Variants in MAPK10 observed in about 807,000 individuals in gnomAD.
The protein encoded by MAPK10 is JNK3 alpha protein kinase.
MAPK10 carries 25 observed loss-of-function variants against 59.3 expected under a neutral mutation model. The observed-to-expected ratio is 0.42, with a 90% CI of 0.31 to 0.59. MAPK10 has a LOEUF of 0.59. MAPK10 is among the 20% of genes least tolerant of loss of function. The pLI is 0.15. For synonymous variants in MAPK10, 190 were observed against 200.5 expected, an observed-to-expected ratio of 0.95 and a Z score of 0.44; for missense variants, 351 against 568.9, an observed-to-expected ratio of 0.62 and a Z score of 3.90.
chr4:86,504,359 T>C (rs570213412), intron 1 of MAPK10, among the ~76,000 whole-genome samples: 1 of 152,220 alleles, frequency 6.6e-6, no homozygotes, highest in African/African-American at 2.4e-5. Context: ...ATCTGGGAAG[T>C]AGTAAAGTAA....
chr4:86,074,182 T>A lies in MAPK10; in HGVS notation c.803-6227A>T, dbSNP rs2048693885. 2.4e-5 allele frequency among the ~76,000 whole-genome samples: 3 copies of A among 122,526 alleles called. No individual in the cohort carries two copies. In the South Asian group the frequency reaches 7.3e-4, roughly 30 times the overall value. 80.4% of individuals were successfully genotyped at this position (122,526 alleles called of 152,430 possible). ...TTTGTCTCTTTTGATCTTTGTTGGC[T>A]TAAAGTCTGTTTTATCAGAGACTAG... On this transcript the variant is annotated intron_variant, in intron 9 of 13. Transcript: ENST00000641462.
At chr4:86,216,831 A>G (rs2087803142) in intron 2 of MAPK10, among the ~76,000 whole-genome samples, 1 of 152,130 alleles carries the variant, frequency 6.6e-6, no homozygotes, top group African/African-American at 2.4e-5. Context: ...TTACAAATAT[A>G]GTTTTAGAAA....
intron 11 of MAPK10, among the ~76,000 whole-genome samples, chr4:86,040,119 G>A (rs1011001673): frequency 2.6e-4 from 39 of 152,098 alleles, no homozygotes; most frequent in Non-Finnish European, 5.9e-5. Flanking sequence ...AAAAGCTGAG[G>A]TGACATAAAC....
chr4:86,406,893 A>G (rs1207573394), intron 1 of MAPK10, among the ~76,000 whole-genome samples: 1 of 152,176 alleles, frequency 6.6e-6, no homozygotes, highest in African/African-American at 2.4e-5. Flanking sequence ...AGTTAACAAC[A>G]CATTTTCATT....
chr4:86,491,248 C>A (rs1436851415), intron 1 of MAPK10, among the ~76,000 whole-genome samples: 1 of 152,128 alleles, frequency 6.6e-6, no homozygotes, highest in African/African-American at 2.4e-5. Flanking sequence ...TGACTTTGCA[C>A]ACAGACAGCT....
chr4:86,074,284 T>A (rs1285729703), intron 9 of MAPK10, among the ~76,000 whole-genome samples: 1 of 145,210 alleles, frequency 6.9e-6, no homozygotes, highest in African/African-American at 2.6e-5. Flanking sequence ...AGCCTATGTG[T>A]GTCTCTGCAC....
At chr4:86,349,790 G>A (rs944981385) in intron 2 of MAPK10, among the ~76,000 whole-genome samples, 2 of 152,178 alleles carry the variant, frequency 1.3e-5, no homozygotes, top group East Asian at 1.9e-4. Context: ...GACCTCAGAT[G>A]CTGCATTTCT....
intron 9 of MAPK10, among the ~76,000 whole-genome samples, chr4:86,083,186 C>G (rs1041864800): frequency 1.8e-4 from 27 of 152,086 alleles, no homozygotes; most frequent in African/African-American, 6.5e-4. Context: ...ATCATCCCCC[C>G]TGAAAGGACC....
At chr4:86,547,038 C>T (rs1046531021) in intron 1 of MAPK10, among the ~76,000 whole-genome samples, 4 of 152,178 alleles carry the variant, frequency 2.6e-5, no homozygotes, top group African/African-American at 7.2e-5. Flanking sequence ...GGCGACAGAG[C>T]GAGACTCCGT....
intron 2 of MAPK10, among the ~76,000 whole-genome samples, chr4:86,220,916 CT>C (rs2089367473): frequency 6.6e-6 from 1 of 152,090 alleles, no homozygotes. Flanking sequence ...ACATAAGGGG[CT>C]TTTGAAAGAA....
intron 5 of MAPK10, among the ~76,000 whole-genome samples, chr4:86,105,293 C>T (rs2056335847): frequency 6.6e-6 from 1 of 152,044 alleles, no homozygotes; most frequent in African/African-American, 2.4e-5. Flanking sequence ...AAGTGAATTT[C>T]CTCTTCATAA....
chr4:86,041,775 A>G (rs1305365482), intron 11 of MAPK10, among the ~76,000 whole-genome samples: 4 of 152,212 alleles, frequency 2.6e-5, no homozygotes, highest in Non-Finnish European at 4.4e-5. Context: ...GTGAGATACC[A>G]TCTCATGCCA....
At chr4:86,145,852 C>A (rs1171004128) in intron 4 of MAPK10, among the ~76,000 whole-genome samples, 6 of 152,024 alleles carry the variant, frequency 3.9e-5, no homozygotes, top group African/African-American at 1.4e-4. Context: ...AGAGTAAACA[C>A]ACTCTCCTGC....
chr4:86,576,775 A>C (rs202057049), intron 1 of MAPK10, among the ~76,000 whole-genome samples: 3 of 344 alleles, frequency 8.7e-3, no homozygotes, highest in Admixed American at 0.17. Context: ...ACTCCGTCCC[A>C]AAAAAAAAAA....
At chr4:86,135,990 G>C (rs1355446446) in intron 4 of MAPK10, among the ~76,000 whole-genome samples, 2 of 152,228 alleles carry the variant, frequency 1.3e-5, no homozygotes, top group Non-Finnish European at 2.9e-5. Context: ...AGAGAAAAAA[G>C]AATAAAAAGA....
chr4:86,395,080 C>T (rs1393346267), intron 1 of MAPK10, among the ~76,000 whole-genome samples: 1 of 147,454 alleles, frequency 6.8e-6, no homozygotes, highest in Non-Finnish European at 1.5e-5. Context: ...ATAAAAACCC[C>T]AGTATGTCAT....
intron 1 of MAPK10, among the ~76,000 whole-genome samples, chr4:86,420,810 A>C (rs1488063595): frequency 1.3e-5 from 2 of 149,630 alleles, no homozygotes; most frequent in Non-Finnish European, 3.0e-5. Context: ...GGCTAGGTAC[A>C]GTGGCTCACG....
chr4:86,063,048 G>A (rs2046021942), intron 11 of MAPK10, among the ~76,000 whole-genome samples: 2 of 152,176 alleles, frequency 1.3e-5, no homozygotes, highest in South Asian at 4.1e-4. Context: ...ACAAAATGTA[G>A]TGCAGTCTTC....
At chr4:86,211,104 T>C (rs2149353372) in intron 2 of MAPK10, among the ~76,000 whole-genome samples, 1 of 151,868 alleles carries the variant, frequency 6.6e-6, no homozygotes, top group East Asian at 1.9e-4. Context: ...CACCATTAAG[T>C]GAACCAACTT....
Sources: allele counts gnomAD v4.1 joint callset (sites outside exome capture counted in the v4.1 genomes callset), GRCh38; gene constraint gnomAD v4.1.1; transcripts MANE v1.5; gene names NCBI Gene and HGNC (gene_info 2026-07-23, HGNC 2026-07-21).